The following GLIS3 variants were observed in gnomAD, a reference collection of about 807,000 sequenced individuals.
GLIS3 encodes the protein GLIS family zinc finger 3.
Under a neutral mutation model 78.6 loss-of-function variants are expected in GLIS3, and 53 were observed. The ratio of observed to expected loss-of-function variants is 0.67; its 90% CI spans 0.54 to 0.85. GLIS3 has a LOEUF of 0.85. GLIS3 is among the 40% of genes least tolerant of loss of function. GLIS3 has a pLI of 0.00. For synonymous variants in GLIS3, 684 were observed against 509.9 expected (o/e 1.34, Z -4.60); for missense variants, 1,703 against 1,231.1 (o/e 1.38, Z -5.74).
chr9:4,074,527 C>A (rs1362281223), intron 4 of GLIS3, among the ~76,000 whole-genome samples: 4 of 152,134 alleles, frequency 2.6e-5, no homozygotes, highest in Non-Finnish European at 4.4e-5. Context: ...GGTTTCCTCC[C>A]TCATCAGATA....
At chr9:4,204,274 C>G (rs138360927) in intron 2 of GLIS3, among the ~76,000 whole-genome samples, 1 of 152,122 alleles carries the variant, frequency 6.6e-6, no homozygotes, top group East Asian at 1.9e-4. Flanking sequence ...GATTTTATAA[C>G]GATTCTTTCA....
At chr9:4,116,464 T>C (rs934413444) in intron 4 of GLIS3, among the ~76,000 whole-genome samples, 2 of 152,248 alleles carry the variant, frequency 1.3e-5, no homozygotes, top group South Asian at 2.1e-4. Context: ...AAAATCACAA[T>C]GTGGTGCATA....
intron 4 of GLIS3, among the ~76,000 whole-genome samples, chr9:3,984,332 C>A (rs1446949906): frequency 1.3e-5 from 2 of 152,222 alleles, no homozygotes; most frequent in Admixed American, 1.3e-4. Flanking sequence ...CAGAGCTGCC[C>A]AAGACCATGG....
chr9:3,969,693 G>C (rs7856815), intron 4 of GLIS3, among the ~76,000 whole-genome samples: 1 of 152,148 alleles, frequency 6.6e-6, no homozygotes, highest in Non-Finnish European at 1.5e-5. Context: ...GAAGAACTCA[G>C]CTTGCTGTGT....
At chr9:4,192,098 A>G (rs1167028309) in intron 2 of GLIS3, among the ~76,000 whole-genome samples, 2 of 152,202 alleles carry the variant, frequency 1.3e-5, no homozygotes, top group African/African-American at 2.4e-5. Context: ...AAAGAAAACG[A>G]TAATTTCTGA....
chr9:3,847,086 A>C (rs1819095556), intron 9 of GLIS3, among the ~76,000 whole-genome samples: 1 of 152,202 alleles, frequency 6.6e-6, no homozygotes, highest in Non-Finnish European at 1.5e-5. Context: ...CGGGAGGCTG[A>C]AGCAGGAGAA....
chr9:4,254,697 G>A (rs533960310), intron 2 of GLIS3, among the ~76,000 whole-genome samples: 33 of 151,798 alleles, frequency 2.2e-4, no homozygotes, highest in South Asian at 2.1e-4. Context: ...AAAATTAGCC[G>A]GGCATGGTGG....
chr9:4,043,505 G>A (rs1014006930), intron 4 of GLIS3, among the ~76,000 whole-genome samples: 1 of 152,048 alleles, frequency 6.6e-6, no homozygotes, highest in African/African-American at 2.4e-5. Flanking sequence ...TCAGTCTGTA[G>A]GAAGGGCTGG....
chr9:4,235,346 G>C (rs936265221), intron 2 of GLIS3, among the ~76,000 whole-genome samples: 2 of 149,112 alleles, frequency 1.3e-5, no homozygotes, highest in Admixed American at 1.3e-4. Flanking sequence ...AGTGGGTAAA[G>C]TTGGGGAGGG....
At chr9:4,005,728 A>T (rs554034132) in intron 4 of GLIS3, among the ~76,000 whole-genome samples, 1 of 152,244 alleles carries the variant, frequency 6.6e-6, no homozygotes, top group Non-Finnish European at 1.5e-5. Flanking sequence ...AAAATAACCT[A>T]AACATCTGCC....
At chr9:3,974,867 T>C (rs980092737) in intron 4 of GLIS3, among the ~76,000 whole-genome samples, 4 of 151,984 alleles carry the variant, frequency 2.6e-5, no homozygotes, top group Non-Finnish European at 2.9e-5. Context: ...TGTCATCAGC[T>C]AAGAAAAGGT....
rs754312328 is a variant in GLIS3, at chr9:3,856,132, C to G, written c.2350G>C (p.Ala784Pro). The G allele has an allele frequency of 8.7e-6, 14 of 1,613,996 alleles. No homozygotes were observed. In the East Asian group the frequency reaches 1.8e-4, roughly 21 times the overall value. Residue 784 changes from alanine to proline, a missense_variant, in exon 9 of 11, where the codon GCT (alanine) becomes CCT (proline). By Grantham distance (27) the Ala-to-Pro change is conservative. Transcript: ENST00000381971. The stretch of plus-strand genomic sequence containing the variant: ...GTTCTTTGCAGTATTGAAGAAGGAG[C>G]TGGAACTCTCCGGGGGCTGATGTGG... ...PHHISPRRVP[A>P]PSSILQRTQP... is the part of the protein sequence containing the mutation.
At chr9:3,909,248 A>G (rs1006231302) in intron 6 of GLIS3, among the ~76,000 whole-genome samples, 8 of 152,244 alleles carry the variant, frequency 5.3e-5, no homozygotes, top group African/African-American at 1.4e-4. Context: ...GCTTAAAAAT[A>G]ATTACAATGA....
chr9:3,864,996 T>C (rs1025781057), intron 8 of GLIS3, among the ~76,000 whole-genome samples: 1 of 152,164 alleles, frequency 6.6e-6, no homozygotes, highest in African/African-American at 2.4e-5. Flanking sequence ...AGGTAGATGA[T>C]ACATTTGCCC....
At chr9:4,382,024 C>A in the GLIS3 span, among the ~76,000 whole-genome samples, 1 of 152,186 alleles carries the variant, frequency 6.6e-6, no homozygotes, top group African/African-American at 2.4e-5. Context: ...GTTTCATTCC[C>A]CCAGTTCCTA....
intron 4 of GLIS3, among the ~76,000 whole-genome samples, chr9:3,939,127 C>T (rs587630): frequency 1.3e-5 from 2 of 151,952 alleles, no homozygotes; most frequent in African/African-American, 2.4e-5. Flanking sequence ...GGCCAGCTCC[C>T]GGGGCACATA....
chr9:4,028,779 T>A (rs1331134296), intron 4 of GLIS3, among the ~76,000 whole-genome samples: 1 of 152,186 alleles, frequency 6.6e-6, no homozygotes, highest in Non-Finnish European at 1.5e-5. Context: ...TTATATGGAT[T>A]TGTAGCTAAT....
intron 2 of GLIS3, among the ~76,000 whole-genome samples, chr9:4,327,542 T>C (rs558202215): frequency 4.6e-5 from 7 of 151,868 alleles, no homozygotes; most frequent in East Asian, 1.9e-4. Context: ...TGAGGATGAA[T>C]TGAAATGAAT....
At chr9:4,184,557 C>T (rs370273582) in intron 2 of GLIS3, among the ~76,000 whole-genome samples, 1 of 152,152 alleles carries the variant, frequency 6.6e-6, no homozygotes, top group African/African-American at 2.4e-5. Flanking sequence ...ACAGGTAGAA[C>T]TGGTCTGCAA....
Sources: gnomAD v4.1 joint callset for allele counts (sites outside exome capture counted in the v4.1 genomes callset) on GRCh38, gnomAD v4.1.1 for gene constraint, MANE v1.5 for transcripts, NCBI Gene and HGNC (gene_info 2026-07-23, HGNC 2026-07-21) for gene names.